Variants in RYR2 observed in about 807,000 individuals in gnomAD.
RYR2 encodes the protein cardiac muscle ryanodine receptor-calcium release channel.
In RYR2, 227 loss-of-function variants were observed where a neutral mutation model predicts 601.1. The observed-to-expected ratio is 0.38, with a 90% CI of 0.34 to 0.42. The LOEUF (loss-of-function observed/expected upper bound fraction) is 0.42. Ranked by LOEUF, RYR2 falls within the 10% of genes least tolerant of loss-of-function variation. RYR2 has a pLI of 1.00. For missense variants in RYR2, 4,646 were observed against 6,156.5 expected, an observed-to-expected ratio of 0.75 and a Z score of 8.21; for synonymous variants, 2,223 against 2,175.1, an observed-to-expected ratio of 1.02 and a Z score of -0.61.
intron 80 of RYR2, chr1:237,755,194 TC>T: frequency 1.1e-6 from 1 of 872,736 alleles, no homozygotes; most frequent in Non-Finnish European, 1.5e-6. Flanking sequence ...CCATTTCTTT[TC>T]CCCCTCCTTT....
chr1:237,730,412 G>A, intron 77 of RYR2, 56 bp downstream of exon 77: 2 of 919,160 alleles, frequency 2.2e-6, no homozygotes, highest in Non-Finnish European at 3.6e-6. Flanking sequence ...GTGCAGCAAT[G>A]TTGGCGTGAG....
At chr1:237,268,266 T>C (rs1186189056) in intron 1 of RYR2, among the ~76,000 whole-genome samples, 1 of 152,158 alleles carries the variant, frequency 6.6e-6, no homozygotes, top group Admixed American at 6.5e-5. Flanking sequence ...GTTAGTTCCA[T>C]AGGGTAGGTG....
intron 79 of RYR2, among the ~76,000 whole-genome samples, chr1:237,740,931 T>C (rs550634174): frequency 6.6e-6 from 1 of 152,318 alleles, no homozygotes; most frequent in African/African-American, 2.4e-5. Flanking sequence ...CAAATCTGTT[T>C]TGCTAAAGTT....
At chr1:237,185,483 C>T (rs963863942) in intron 1 of RYR2, among the ~76,000 whole-genome samples, 1 of 152,104 alleles carries the variant, frequency 6.6e-6, no homozygotes, top group Admixed American at 6.5e-5. Context: ...CTCACATTCT[C>T]TATTTCTAGC....
intron 24 of RYR2, among the ~76,000 whole-genome samples, chr1:237,516,663 T>C (rs1241433224): frequency 1.3e-5 from 2 of 152,234 alleles, no homozygotes; most frequent in Non-Finnish European, 2.9e-5. Flanking sequence ...TAGACCTATA[T>C]AGCTTTATGT....
At chr1:237,157,936 C>T (rs925135435) in intron 1 of RYR2, among the ~76,000 whole-genome samples, 2 of 152,158 alleles carry the variant, frequency 1.3e-5, no homozygotes, top group African/African-American at 4.8e-5. Flanking sequence ...TAATGTACAT[C>T]CCAACTACCC....
chr1:237,406,827 C>T (rs1163076880), intron 10 of RYR2, among the ~76,000 whole-genome samples: 7 of 152,138 alleles, frequency 4.6e-5, no homozygotes, highest in Admixed American at 4.6e-4. Flanking sequence ...GTATGGTACT[C>T]TTGTTATAAA....
At chr1:237,690,972 T>C (rs1006110673) in intron 63 of RYR2, among the ~76,000 whole-genome samples, 1 of 152,222 alleles carries the variant, frequency 6.6e-6, no homozygotes, top group Admixed American at 6.5e-5. Flanking sequence ...GTAGCATATA[T>C]GCAGTGCTTG....
intron 79 of RYR2, 151 bp from the exon 80 acceptor site, chr1:237,742,145 T>C: frequency 1.6e-6 from 1 of 611,398 alleles, no homozygotes; most frequent in Non-Finnish European, 2.9e-6. Flanking sequence ...TCATTGATTA[T>C]GTCATCTAAG....
At chr1:237,385,597 G>A (rs1266042326) in intron 8 of RYR2, among the ~76,000 whole-genome samples, 2 of 152,178 alleles carry the variant, frequency 1.3e-5, no homozygotes, top group Non-Finnish European at 2.9e-5. Flanking sequence ...GCTTTCACTT[G>A]GACACAGATA....
At chr1:237,700,489 AG>A in intron 65 of RYR2, 22 bp downstream of exon 65, 3 of 1,248,970 alleles carry the variant, frequency 2.4e-6, no homozygotes, top group East Asian at 2.5e-5. Flanking sequence ...TATATCTTGG[AG>A]TTTTTTTTTT....
intron 5 of RYR2, 64 bp from the exon 6 acceptor site, chr1:237,369,470 A>G (rs1700468460): frequency 1.5e-6 from 2 of 1,350,860 alleles, no homozygotes; most frequent in East Asian, 5.0e-5. Flanking sequence ...TATTTTATCA[A>G]CTTGGTTAAG....
rs3753619 is a variant in RYR2 at position 237,497,062 on chromosome 1, C to T, written c.2203+310C>T. Among the ~76,000 whole-genome samples the T allele has an allele frequency of 8.1e-3, 1,226 of 152,162 alleles. 23 individuals carry two copies. The highest frequency in any genetic ancestry group is 0.048 in the East Asian group (246 of 5,170). On this transcript the variant is annotated intron_variant, in intron 20 of 104. Transcript: ENST00000366574. Reference sequence around the variant, plus strand: ...TACTGTGTATTTAAAGAGTGCATTCCGAAGCATGAATGAACTGCAAGAAAC... The same window carrying T: ...TACTGTGTATTTAAAGAGTGCATTCTGAAGCATGAATGAACTGCAAGAAAC...
intron 17 of RYR2, among the ~76,000 whole-genome samples, chr1:237,488,571 A>T (rs1662959072): frequency 6.6e-6 from 1 of 152,174 alleles, no homozygotes; most frequent in Admixed American, 6.5e-5. Flanking sequence ...CTGCACGTGT[A>T]CATCCACATG....
chr1:237,042,946 AG>A (rs1001714453), intron 1 of RYR2, among the ~76,000 whole-genome samples: 13 of 152,074 alleles, frequency 8.5e-5, no homozygotes, highest in African/African-American at 2.9e-4. Flanking sequence ...GGCCGGGGGC[AG>A]GGTGCAGAGC....
chr1:237,435,858 A>C (rs1341118914), intron 12 of RYR2, among the ~76,000 whole-genome samples: 1 of 152,140 alleles, frequency 6.6e-6, no homozygotes, highest in Non-Finnish European at 1.5e-5. Context: ...TGTATATATT[A>C]AGGCATTTAT....
At chr1:237,405,077 G>A (rs998117061) in intron 10 of RYR2, among the ~76,000 whole-genome samples, 1 of 152,180 alleles carries the variant, frequency 6.6e-6, no homozygotes, top group Admixed American at 6.5e-5. Flanking sequence ...TCCAACCTAC[G>A]GAATGGTAGA....
chr1:237,687,345 T>G, intron 62 of RYR2, 110 bp from the exon 63 acceptor site: 1 of 677,736 alleles, frequency 1.5e-6, no homozygotes. Flanking sequence ...TATCAGCTGT[T>G]TTTTTTTCTT....
In RYR2 at chr1:237,639,080, G is replaced by T. The variant is rs766508848; in HGVS notation, c.6994G>T (p.Gly2332Cys). 2.5e-6 allele frequency: 4 copies of T among 1,613,874 alleles called. No homozygotes were observed. The highest frequency in any genetic ancestry group is 3.4e-6 in the Non-Finnish European group (4 of 1,179,866). Residue 2332 changes from glycine to cysteine, a missense_variant, in exon 46 of 105, where the codon GGT becomes TGT. Physicochemically the swap from Gly to Cys is radical, Grantham distance 159 (BLOSUM62 -3). Coordinates refer to ENST00000366574, the MANE Select transcript of RYR2 (RefSeq NM_001035.3). ...RLLIRRPECF[G>C]PALRGEGGNG... Reference sequence around the variant, plus strand: ...GCTCATTCGGAGGCCTGAGTGTTTTGGTCCTGCTTTGAGAGGAGAAGGTGG... The same window carrying T: ...GCTCATTCGGAGGCCTGAGTGTTTTTGTCCTGCTTTGAGAGGAGAAGGTGG...
Sources: gnomAD v4.1 joint callset for allele counts (sites outside exome capture counted in the v4.1 genomes callset) on GRCh38, gnomAD v4.1.1 for gene constraint, MANE v1.5 for transcripts, NCBI Gene and HGNC (gene_info 2026-07-23, HGNC 2026-07-21) for gene names.